NEBL: variants seen among roughly 807,000 people sequenced by gnomAD.
NEBL encodes nebulette.
Under a neutral mutation model 140.2 loss-of-function variants are expected in NEBL, and 122 were observed. That is an observed-to-expected ratio of 0.87 (90% CI 0.75 to 1.01). NEBL has a LOEUF of 1.01. Among genes scored for constraint, NEBL ranks in the 50% least tolerant of loss-of-function variants. NEBL has a pLI of 0.00. For synonymous variants in NEBL, 436 were observed against 398.9 expected (o/e 1.09, Z -1.11); for missense variants, 1,365 against 1,231.3 (o/e 1.11, Z -1.62).
chr10:20,823,781 G>C (rs1429193694), intron 18 of NEBL, among the ~76,000 whole-genome samples: 1 of 151,804 alleles, frequency 6.6e-6, no homozygotes, highest in Non-Finnish European at 1.5e-5. Context: ...AGGAAATAAG[G>C]AATTCCTTAT....
chr10:21,035,826 A>G (rs1190435926), intron 2 of NEBL, among the ~76,000 whole-genome samples: 1 of 152,220 alleles, frequency 6.6e-6, no homozygotes, highest in African/African-American at 2.4e-5. Flanking sequence ...TACATATATA[A>G]CATGTACATA....
rs747672592 is a variant in NEBL at position 20,826,483 on chromosome 10, G to A, written c.1833C>T (p.Ile611=). 1.4e-5 allele frequency: 23 copies of A among 1,612,678 alleles called. No individual in the cohort carries two copies. Among genetic ancestry groups the A allele is most frequent in the Middle Eastern group, 3.3e-4 (2 of 6,074 alleles). ...TCTGCTGATTTTTCTTCACTCGTTC[G>A]ATCTCTGGGCTATCTTTCACTGCAG... ...AGTAVKDSPE[I]ERVKKNQQNI... The change falls in exon 18 of 28, where the codon ATC becomes ATT. Residue 611 remains isoleucine (I), a synonymous_variant. Coordinates refer to ENST00000377122, the MANE Select transcript of NEBL (RefSeq NM_006393.3).
intron 4 of NEBL, among the ~76,000 whole-genome samples, chr10:20,910,538 A>G (rs1848284877): frequency 6.6e-6 from 1 of 152,198 alleles, no homozygotes; most frequent in South Asian, 2.1e-4. Context: ...CCCTCACTGC[A>G]TGAACCATGG....
At chr10:20,849,132 C>G (rs1033470837) in intron 11 of NEBL, among the ~76,000 whole-genome samples, 14 of 152,146 alleles carry the variant, frequency 9.2e-5, no homozygotes, top group Middle Eastern at 3.4e-3. Context: ...CATTAAGAAC[C>G]CAGCTGCACC....
At chr10:20,946,548 G>A (rs1281026648) in intron 4 of NEBL, among the ~76,000 whole-genome samples, 1 of 152,074 alleles carries the variant, frequency 6.6e-6, no homozygotes, top group Non-Finnish European at 1.5e-5. Flanking sequence ...TGCAACCTCT[G>A]CTTCCTGAGT....
intron 18 of NEBL, among the ~76,000 whole-genome samples, chr10:20,825,846 G>A (rs1172128615): frequency 6.6e-6 from 1 of 152,142 alleles, no homozygotes; most frequent in Non-Finnish European, 1.5e-5. Flanking sequence ...CCAGTCTAAA[G>A]GTTACTGGAA....
intron 2 of NEBL, among the ~76,000 whole-genome samples, chr10:21,054,596 A>G (rs968693883): frequency 1.3e-5 from 2 of 152,208 alleles, no homozygotes; most frequent in Non-Finnish European, 1.5e-5. Context: ...AGCCATTTTC[A>G]ATTCATAAGT....
intron 2 of NEBL, among the ~76,000 whole-genome samples, chr10:21,094,499 CAAAAAAAAAAAAAAAAAAA>C (rs72278772): frequency 1.6e-5 from 1 of 63,186 alleles, no homozygotes; most frequent in Non-Finnish European, 2.9e-5. Context: ...GACTCCGTCT[CAAAAAAAAAAAAAAAAAAA>C]AAAAAAAAAA....
chr10:20,823,746 C>T (rs961742069), intron 18 of NEBL, among the ~76,000 whole-genome samples: 12 of 151,258 alleles, frequency 7.9e-5, no homozygotes. Flanking sequence ...TGACTGAGAG[C>T]ACATAAATAA....
At chr10:21,259,706 C>T (rs187368403) in intron 1 of NEBL, among the ~76,000 whole-genome samples, 17 of 152,284 alleles carry the variant, frequency 1.1e-4, no homozygotes, top group Admixed American at 3.9e-4. Flanking sequence ...GAGGCCCCAA[C>T]GGCCAAAAAC....
chr10:21,149,768 A>G (rs961422454), intron 2 of NEBL, among the ~76,000 whole-genome samples: 32 of 152,200 alleles, frequency 2.1e-4, no homozygotes, highest in African/African-American at 7.2e-4. Context: ...GAAGTGGGTG[A>G]CGGGGGCGGT....
Position 21,050,092 on chromosome 10 carries a change from G to A in NEBL, c.165-29891C>T, listed in dbSNP as rs1040628035. 2.6e-5 allele frequency among the ~76,000 whole-genome samples: 4 copies of A among 152,152 alleles called. No homozygotes were observed. In the East Asian group the frequency reaches 7.7e-4, roughly 29 times the overall value. ...AGGTCCTTTTCATCTCTAAGTTCTAGATAATTCAACCTTATAAACTGCTAC... is the reference window on the plus strand; with the variant it reads ...AGGTCCTTTTCATCTCTAAGTTCTAAATAATTCAACCTTATAAACTGCTAC... On this transcript the variant is annotated intron_variant, in intron 2 of 6. Transcript: ENST00000417816.
At chr10:21,177,625 G>A (rs1264547289), upstream of NEBL, among the ~76,000 whole-genome samples, 2 of 151,876 alleles carry the variant, frequency 1.3e-5, no homozygotes, top group Non-Finnish European at 2.9e-5. Context: ...TGCCTCCCGG[G>A]TTCACTCCAT....
exon 2 of NEBL, among the ~76,000 whole-genome samples, chr10:21,251,773 A>T (rs1358089224): frequency 6.6e-6 from 1 of 152,200 alleles, no homozygotes; most frequent in Non-Finnish European, 1.5e-5. Context: ...ATGGCCATCC[A>T]TGAACCAGGA....
chr10:21,226,847 C>T (rs572540430), intron 3 of NEBL, among the ~76,000 whole-genome samples: 3 of 152,152 alleles, frequency 2.0e-5, no homozygotes, highest in Admixed American at 1.3e-4. Context: ...GTTTCTCTCA[C>T]CTGACTTTTA....
intron 24 of NEBL, 125 bp from the exon 25 acceptor site, chr10:20,810,023 A>T: frequency 1.4e-6 from 1 of 702,312 alleles, no homozygotes; most frequent in Non-Finnish European, 2.5e-6. Flanking sequence ...TAAGAAGCAA[A>T]CATGTAACAG....
chr10:20,938,363 C>A (rs1834631836), intron 4 of NEBL, among the ~76,000 whole-genome samples: 1 of 152,202 alleles, frequency 6.6e-6, no homozygotes, highest in South Asian at 2.1e-4. Context: ...CTCCAACAGA[C>A]CTGCACCTGA....
rs188009838 is a variant in NEBL at position 21,213,641 on chromosome 10, C to A, written n.348+34280G>T. ...AATGAGAATGTCCCGAGGCAGGGAACCAGGGCAGGAGAAGGCCTGGGGCGA... is the reference window on the plus strand; with the variant it reads ...AATGAGAATGTCCCGAGGCAGGGAAACAGGGCAGGAGAAGGCCTGGGGCGA... On this transcript the variant is annotated intron_variant and non_coding_transcript_variant, in intron 3 of 8. Coordinates refer to the NEBL transcript ENST00000675702. Among the ~76,000 whole-genome samples, 360 of 152,164 alleles carry A rather than the reference C, an allele frequency of 2.4e-3. 1 individual carries two copies. Among genetic ancestry groups the A allele is most frequent in the African/African-American group, 7.9e-3 (327 of 41,514 alleles).
chr10:20,877,216 T>C (rs952149875), intron 5 of NEBL, among the ~76,000 whole-genome samples: 8 of 152,306 alleles, frequency 5.3e-5, no homozygotes, highest in African/African-American at 1.7e-4. Context: ...ACATAATGTT[T>C]CATTTAATAC....
Sources: allele counts gnomAD v4.1 joint callset (sites outside exome capture counted in the v4.1 genomes callset), GRCh38; gene constraint gnomAD v4.1.1; transcripts MANE v1.5; gene names NCBI Gene and HGNC (gene_info 2026-07-23, HGNC 2026-07-21).